The following INPP4B variants were observed in gnomAD, a reference collection of about 807,000 sequenced individuals.
The protein encoded by INPP4B is inositol polyphosphate-4-phosphatase type II B, also known as inositol polyphosphate 4-phosphatase type II.
INPP4B carries 55 observed loss-of-function variants against 122.5 expected under a neutral mutation model. The ratio of observed to expected loss-of-function variants is 0.45; its 90% CI spans 0.36 to 0.56. The LOEUF (loss-of-function observed/expected upper bound fraction) is 0.56. Among genes scored for constraint, INPP4B ranks in the 20% least tolerant of loss-of-function variants. The probability of loss-of-function intolerance (pLI) is 0.00; values close to 1 mark genes in which losing one functional copy is unlikely to be tolerated. For missense variants in INPP4B, 1,000 were observed against 1,097.7 expected, an observed-to-expected ratio of 0.91 and a Z score of 1.26; for synonymous variants, 403 against 388.7, an observed-to-expected ratio of 1.04 and a Z score of -0.43.
At chr4:142,784,726 G>GT (rs112447468) in intron 1 of INPP4B, among the ~76,000 whole-genome samples, 1,809 of 150,838 alleles carry the variant, frequency 0.012, 30 homozygotes, top group African/African-American at 0.041. Flanking sequence ...TGAGAAAAAT[G>GT]TTTTTTTTTG....
chr4:142,466,937 G>T lies in INPP4B; in HGVS notation c.-190-4211C>A, dbSNP rs139790368. On this transcript the variant is annotated intron_variant, in intron 2 of 25. Transcript: ENST00000262992. ...GCACAAGCTGCCATAAGCCTTGGTT[G>T]CTTCTACATGGTGTTAAGCCTGCAG... Among the ~76,000 whole-genome samples the T allele has an allele frequency of 4.3e-3, 650 of 152,296 alleles. 5 individuals are homozygous for T. Among genetic ancestry groups the T allele is most frequent in the African/African-American group, 0.015 (618 of 41,562 alleles).
chr4:142,576,205 C>A, intron 2 of INPP4B, among the ~76,000 whole-genome samples: 1 of 151,014 alleles, frequency 6.6e-6, no homozygotes, highest in South Asian at 2.1e-4. Flanking sequence ...AGCAGGGAAA[C>A]ATCCCTGATC....
intron 3 of INPP4B, among the ~76,000 whole-genome samples, chr4:142,445,653 G>A (rs1457932222): frequency 6.6e-6 from 1 of 152,072 alleles, no homozygotes; most frequent in Admixed American, 6.6e-5. Context: ...AATCAGTGAG[G>A]ATATAAAATA....
chr4:142,537,399 AG>A (rs1214476882), intron 2 of INPP4B, among the ~76,000 whole-genome samples: 3 of 48,438 alleles, frequency 6.2e-5, no homozygotes, highest in Non-Finnish European at 1.5e-4. Flanking sequence ...TTTTACATAC[AG>A]TATATATATA....
intron 18 of INPP4B, among the ~76,000 whole-genome samples, chr4:142,145,624 A>G (rs1231561183): frequency 6.7e-6 from 1 of 149,844 alleles, no homozygotes; most frequent in Non-Finnish European, 1.5e-5. Flanking sequence ...GTAAGATAAG[A>G]AAAAAAAAAG....
intron 1 of INPP4B, chr4:142,766,089 A>G (rs1772079327): frequency 6.6e-6 from 1 of 152,102 alleles, no homozygotes; most frequent in African/African-American, 2.4e-5. Flanking sequence ...TTAATCACAG[A>G]TATTGGAATC....
chr4:142,261,811 A>G lies in INPP4B; in HGVS notation c.616-1247T>C, dbSNP rs1458317165. ...TAAATGTTACTTTCTGTTTTCTTAT[A>G]GTCTACTGCTTATTCCACAATCATA... is the stretch of plus-strand genomic sequence containing the variant. On this transcript the variant is annotated intron_variant, in intron 10 of 25. Coordinates refer to ENST00000262992, the MANE Select transcript of INPP4B (RefSeq NM_001101669.3). Among the ~76,000 whole-genome samples, 8 of 152,244 alleles carry G rather than the reference A, an allele frequency of 5.3e-5. 1 individual carries two copies.
intron 1 of INPP4B, among the ~76,000 whole-genome samples, chr4:142,735,386 A>G (rs1766707795): frequency 6.6e-6 from 1 of 152,198 alleles, no homozygotes; most frequent in Non-Finnish European, 1.5e-5. Flanking sequence ...TTTTAGAAAT[A>G]ACATTATTAT....
chr4:142,565,058 A>G (rs1459464361), intron 2 of INPP4B, among the ~76,000 whole-genome samples: 1 of 151,952 alleles, frequency 6.6e-6, no homozygotes, highest in Non-Finnish European at 1.5e-5. Context: ...TTAATATGAA[A>G]CAGTTCCTCA....
chr4:142,786,074 G>A (rs1184427637), intron 1 of INPP4B, among the ~76,000 whole-genome samples: 1 of 151,994 alleles, frequency 6.6e-6, no homozygotes, highest in African/African-American at 2.4e-5. Flanking sequence ...TCAACTGAGA[G>A]GACCTAAATG....
In INPP4B at chr4:142,796,934, A is replaced by G. The variant is rs10023784; in HGVS notation, c.-254+49275T>C. Among the ~76,000 whole-genome samples, 1,373 of 149,472 alleles carry G rather than the reference A, an allele frequency of 9.2e-3. 26 individuals carry two copies. The highest frequency in any genetic ancestry group is 0.033 in the African/African-American group (1,319 of 39,698). On this transcript the variant is annotated intron_variant, in intron 1 of 25. Transcript: ENST00000262992. The stretch of plus-strand genomic sequence containing the variant: ...TGTGTGTCTGTGTGTAATAGCAGAG[A>G]ACAAAATTATACTGCCTACCTAGAT...
chr4:142,521,497 A>C (rs1042250905), intron 2 of INPP4B, among the ~76,000 whole-genome samples: 1 of 151,998 alleles, frequency 6.6e-6, no homozygotes, highest in African/African-American at 2.4e-5. Flanking sequence ...GAAGAGAAAA[A>C]ACTACAACAA....
chr4:142,081,921 T>A, intron 25 of INPP4B, 110 bp downstream of exon 25: 1 of 696,566 alleles, frequency 1.4e-6, no homozygotes, highest in East Asian at 2.8e-5. Context: ...GAAAATGCAG[T>A]AAAGTTCTAA....
rs780283267 is a variant in INPP4B at position 142,112,550 on chromosome 4, C to T, written c.2268G>A (p.Leu756=). The change falls in exon 22 of 26, where the codon CTG becomes CTA. Residue 756 remains leucine, a synonymous_variant. Transcript: ENST00000262992. The stretch of plus-strand genomic sequence containing the variant: ...CTTACACCAAAGCTTACCTTTCAGC[C>T]AGAGTTTGCTGTTCATTGATTCCAA... The part of the protein sequence containing the change: ...FNVGINEQQT[L]AERFGDVSLQ... 6.2e-7 allele frequency: 1 copy of T among 1,612,734 alleles called. No individual in the cohort carries two copies. The highest frequency in any genetic ancestry group is 8.5e-7 in the Non-Finnish European group (1 of 1,179,360).
chr4:142,299,647 T>A (rs955032236), intron 9 of INPP4B, among the ~76,000 whole-genome samples: 4 of 152,120 alleles, frequency 2.6e-5, no homozygotes, highest in African/African-American at 9.7e-5. Flanking sequence ...TTCTGTTTTA[T>A]AGTTAATCAT....
rs1371330512 is a variant in INPP4B at position 142,175,628 on chromosome 4, A to G, written c.1182-1819T>C. ...TAATGCAAGTTAAAGTAAATGAAAA[A>G]AAAAATTGCAAGGAGGGGAAAGGAA... On this transcript the variant is annotated intron_variant, in intron 15 of 25. Coordinates refer to ENST00000262992, the MANE Select transcript of INPP4B (RefSeq NM_001101669.3). Among the ~76,000 whole-genome samples the G allele has an allele frequency of 2.6e-5, 4 of 151,570 alleles. No homozygotes were observed. In the East Asian group the frequency reaches 7.8e-4, roughly 29 times the overall value.
chr4:142,595,010 C>G (rs1738395667), intron 2 of INPP4B, among the ~76,000 whole-genome samples: 1 of 148,788 alleles, frequency 6.7e-6, no homozygotes, highest in Admixed American at 6.7e-5. Context: ...TAAACACTAT[C>G]TCAAAGTTGC....
chr4:142,068,722 A>G (rs1473283735), intron 25 of INPP4B, among the ~76,000 whole-genome samples: 4 of 152,220 alleles, frequency 2.6e-5, no homozygotes, highest in Non-Finnish European at 5.9e-5. Flanking sequence ...ACAAAGATCA[A>G]AAGAGACAAA....
chr4:142,387,853 G>T (rs185107462), intron 7 of INPP4B, among the ~76,000 whole-genome samples: 6 of 152,216 alleles, frequency 3.9e-5, no homozygotes, highest in Admixed American at 2.0e-4. Flanking sequence ...CCATAAGCCC[G>T]CTGTTCAAGA....
Sources: allele counts gnomAD v4.1 joint callset (sites outside exome capture counted in the v4.1 genomes callset), GRCh38; gene constraint gnomAD v4.1.1; transcripts MANE v1.5; gene names NCBI Gene and HGNC (gene_info 2026-07-23, HGNC 2026-07-21).